Variants in BBX observed in about 807,000 individuals in gnomAD.
The protein encoded by BBX is HMG box transcription factor BBX.
Under a neutral mutation model 100.2 loss-of-function variants are expected in BBX, and 30 were observed. The ratio of observed to expected loss-of-function variants is 0.30; its 90% CI spans 0.22 to 0.41. The LOEUF (loss-of-function observed/expected upper bound fraction) is 0.41, where lower values mean the gene tolerates loss of function less well. Ranked by LOEUF, BBX falls within the 10% of genes least tolerant of loss-of-function variation. BBX has a pLI of 1.00. For synonymous variants in BBX, 376 were observed against 388.1 expected (o/e 0.97, Z 0.37); for missense variants, 1,023 against 1,129.8 (o/e 0.91, Z 1.35).
At chr3:107,758,992 A>G (rs2065694434) in intron 10 of BBX, among the ~76,000 whole-genome samples, 1 of 152,152 alleles carries the variant, frequency 6.6e-6, no homozygotes, top group Non-Finnish European at 1.5e-5. Context: ...TGCTTCCAAC[A>G]AATGTCTTCT....
intron 2 of BBX, among the ~76,000 whole-genome samples, chr3:107,545,250 TG>T (rs2049148151): frequency 6.6e-6 from 1 of 152,196 alleles, no homozygotes; most frequent in Non-Finnish European, 1.5e-5. Flanking sequence ...AGTAATAGAA[TG>T]CAAAATGACT....
intron 2 of BBX, among the ~76,000 whole-genome samples, chr3:107,533,649 T>G (rs483364): frequency 0.11 from 16,308 of 152,188 alleles, 984 homozygotes; most frequent in Non-Finnish European, 0.12. Context: ...GATGATTCCT[T>G]TGTTGTTGTT....
intron 3 of BBX, among the ~76,000 whole-genome samples, chr3:107,680,523 C>G (rs374520524): frequency 6.6e-6 from 1 of 152,074 alleles, no homozygotes; most frequent in Non-Finnish European, 1.5e-5. Context: ...TTTCCCATAC[C>G]TGACAGTATG....
intron 2 of BBX, among the ~76,000 whole-genome samples, chr3:107,579,589 A>G (rs1054092493): frequency 1.3e-5 from 2 of 152,218 alleles, no homozygotes; most frequent in African/African-American, 2.4e-5. Flanking sequence ...GTCTTTTCAC[A>G]CAGATGTTGA....
intron 16 of BBX, 137 bp downstream of exon 16, chr3:107,798,857 CA>C (rs1162018223): frequency 5.4e-5 from 51 of 940,924 alleles, no homozygotes; most frequent in Non-Finnish European, 6.6e-5. Context: ...AAAACAAAAA[CA>C]AAAAAAACCA....
At chr3:107,540,270 A>T (rs141115196) in intron 2 of BBX, among the ~76,000 whole-genome samples, 1 of 152,328 alleles carries the variant, frequency 6.6e-6, no homozygotes, top group Non-Finnish European at 1.5e-5. Flanking sequence ...ATGGGGGTCA[A>T]AGTGTTAGCA....
At chr3:107,752,796 T>G (rs993228427) in intron 9 of BBX, among the ~76,000 whole-genome samples, 7 of 152,156 alleles carry the variant, frequency 4.6e-5, no homozygotes, top group African/African-American at 1.7e-4. Flanking sequence ...CCCATGAACA[T>G]CCTATGCCGT....
intron 3 of BBX, among the ~76,000 whole-genome samples, chr3:107,700,237 T>C (rs982355949): frequency 1.3e-5 from 2 of 151,520 alleles, no homozygotes; most frequent in African/African-American, 4.9e-5. Context: ...GAGGGAAACA[T>C]ATAGATTGGG....
chr3:107,569,549 A>G (rs1053800599), intron 2 of BBX, among the ~76,000 whole-genome samples: 1 of 152,140 alleles, frequency 6.6e-6, no homozygotes, highest in Admixed American at 6.5e-5. Context: ...AAGGGCGGCA[A>G]TGAGATGTGG....
At chr3:107,651,021 A>G (rs1284039588) in intron 3 of BBX, among the ~76,000 whole-genome samples, 1 of 152,080 alleles carries the variant, frequency 6.6e-6, no homozygotes, top group Non-Finnish European at 1.5e-5. Flanking sequence ...TCCTCTTCTC[A>G]TAAGTACATC....
At chr3:107,689,147 A>G (rs1036430906) in intron 3 of BBX, among the ~76,000 whole-genome samples, 1 of 152,206 alleles carries the variant, frequency 6.6e-6, no homozygotes, top group Non-Finnish European at 1.5e-5. Flanking sequence ...GCCGTATAGT[A>G]GTACATATTT....
intron 10 of BBX, among the ~76,000 whole-genome samples, chr3:107,769,010 C>CGGGGGGGGGGGGGGGGG (rs35063548): frequency 8.0e-6 from 1 of 125,026 alleles, no homozygotes; most frequent in Non-Finnish European, 1.6e-5. Flanking sequence ...TGGGGGGCGG[C>CGGGGGGGGGGGGGGGGG]GGGGGGGGGG....
chr3:107,583,915 A>G (rs1396869754), intron 2 of BBX, among the ~76,000 whole-genome samples: 1 of 114,986 alleles, frequency 8.7e-6, no homozygotes, highest in Non-Finnish European at 1.7e-5. Context: ...AGTATAAATT[A>G]TACTTTATAT....
At chr3:107,741,705 C>T (rs2064123432) in intron 7 of BBX, among the ~76,000 whole-genome samples, 2 of 152,094 alleles carry the variant, frequency 1.3e-5, no homozygotes, top group Admixed American at 6.5e-5. Flanking sequence ...AAAAGTGTGG[C>T]CCACCTAATA....
intron 2 of BBX, among the ~76,000 whole-genome samples, chr3:107,537,978 A>G (rs1441824550): frequency 6.6e-6 from 1 of 152,238 alleles, no homozygotes; most frequent in Non-Finnish European, 1.5e-5. Flanking sequence ...GCAAAGAGAA[A>G]CAGACACATG....
intron 10 of BBX, among the ~76,000 whole-genome samples, chr3:107,766,369 A>T (rs1330545589): frequency 6.6e-6 from 1 of 152,222 alleles, no homozygotes. Flanking sequence ...AAATTACTCT[A>T]AAATCCAGTA....
chr3:107,562,601 A>C (rs537550309), intron 2 of BBX, among the ~76,000 whole-genome samples: 26 of 152,206 alleles, frequency 1.7e-4, no homozygotes, highest in Non-Finnish European at 3.4e-4. Flanking sequence ...AAGAAACATT[A>C]ATGATAAAAT....
chr3:107,716,379 A>C (rs983436812), intron 4 of BBX: 2 of 534,848 alleles, frequency 3.7e-6, no homozygotes, highest in Admixed American at 3.2e-5. Flanking sequence ...TATATGCTGT[A>C]ATAGAGACAT....
chr3:107,683,914 C>G (rs937453734), intron 3 of BBX, among the ~76,000 whole-genome samples: 1 of 152,122 alleles, frequency 6.6e-6, no homozygotes, highest in Non-Finnish European at 1.5e-5. Context: ...TTTTTTCTTA[C>G]CCAGAAAGAT....
Sources: gnomAD v4.1 joint callset for allele counts (sites outside exome capture counted in the v4.1 genomes callset) on GRCh38, gnomAD v4.1.1 for gene constraint, MANE v1.5 for transcripts, NCBI Gene and HGNC (gene_info 2026-07-23, HGNC 2026-07-21) for gene names.